Variants in FRYL observed in about 807,000 individuals in gnomAD.
FRYL encodes the protein protein furry homolog-like.
Under a neutral mutation model 351.2 loss-of-function variants are expected in FRYL, and 150 were observed. That is an observed-to-expected ratio of 0.43 (90% confidence interval 0.37 to 0.49). The LOEUF (loss-of-function observed/expected upper bound fraction) is 0.49. Among genes scored for constraint, FRYL ranks in the 20% least tolerant of loss-of-function variants. The probability of loss-of-function intolerance (pLI) is 0.00; values close to 1 mark genes in which losing one functional copy is unlikely to be tolerated. For synonymous variants in FRYL, 1,153 were observed against 1,257.1 expected (o/e 0.92, Z 1.75); for missense variants, 3,036 against 3,619.3 (o/e 0.84, Z 4.13).
chr4:48,540,156 A>G (rs1296796538), intron 46 of FRYL, 88 bp from the exon 47 acceptor site: 43 of 1,208,686 alleles, frequency 3.6e-5, no homozygotes, highest in Non-Finnish European at 4.9e-5. Context: ...GGTTCACAGA[A>G]ACCATTTTCT....
At chr4:48,731,807 A>G (rs1333044856) in intron 1 of FRYL, among the ~76,000 whole-genome samples, 1 of 152,210 alleles carries the variant, frequency 6.6e-6, no homozygotes, top group Non-Finnish European at 1.5e-5. Context: ...AGACTTAAAC[A>G]TAAGACCTAG....
chr4:48,772,615 C>T (rs1775626373), intron 1 of FRYL, among the ~76,000 whole-genome samples: 1 of 138,318 alleles, frequency 7.2e-6, no homozygotes, highest in Admixed American at 8.2e-5. Flanking sequence ...ATCTTTCCAG[C>T]ATTCTTTACT....
At chr4:48,544,348 G>A (rs1730880686) in intron 43 of FRYL, among the ~76,000 whole-genome samples, 1 of 152,028 alleles carries the variant, frequency 6.6e-6, no homozygotes, top group Admixed American at 6.6e-5. Context: ...AACCCATAAC[G>A]GTGACACTGT....
intron 13 of FRYL, chr4:48,598,870 G>A: frequency 2.0e-6 from 2 of 984,014 alleles, no homozygotes; most frequent in Non-Finnish European, 2.4e-6. Flanking sequence ...TTGTTAGATG[G>A]CATCTAAATA....
chr4:48,720,453 C>T (rs866757069), intron 1 of FRYL, among the ~76,000 whole-genome samples: 11 of 151,890 alleles, frequency 7.2e-5, no homozygotes, highest in African/African-American at 2.2e-4. Context: ...GCTGAGATCA[C>T]GCCACTTCAC....
intron 47 of FRYL, among the ~76,000 whole-genome samples, chr4:48,537,779 T>C (rs574498781): frequency 6.6e-6 from 1 of 152,314 alleles, no homozygotes; most frequent in African/African-American, 2.4e-5. Context: ...TTCAAGGAGC[T>C]GTAACATCCT....
chr4:48,773,902 G>A (rs1775760441), intron 1 of FRYL, among the ~76,000 whole-genome samples: 1 of 152,172 alleles, frequency 6.6e-6, no homozygotes, highest in Non-Finnish European at 1.5e-5. Context: ...TCCAGCCTGG[G>A]AAACAGAGTG....
chr4:48,756,339 C>G (rs532841645), intron 1 of FRYL, among the ~76,000 whole-genome samples: 2 of 152,134 alleles, frequency 1.3e-5, no homozygotes, highest in South Asian at 2.1e-4. Context: ...TTCTGTAATT[C>G]CTTTAAGAGC....
At position 48,708,194 on chromosome 4, in the gene FRYL, G is replaced by C. The variant is rs142492506; in HGVS notation, c.-204+2325C>G. Among the ~76,000 whole-genome samples the C allele has an allele frequency of 1.0e-3, 158 of 151,692 alleles. 1 individual carries two copies. The highest frequency in any genetic ancestry group is 3.7e-3 in the African/African-American group (153 of 41,454). ...CTCAGGAGGCTGAGGCAGGAGAATCGCTTGAACCCAGGAGGCGGAGGTTGC... is the reference window on the plus strand; with the variant it reads ...CTCAGGAGGCTGAGGCAGGAGAATCCCTTGAACCCAGGAGGCGGAGGTTGC... On this transcript the variant is annotated intron_variant, in intron 2 of 63. Transcript: ENST00000358350.
intron 1 of FRYL, among the ~76,000 whole-genome samples, chr4:48,760,833 T>A (rs1283862791): frequency 6.6e-6 from 1 of 152,070 alleles, no homozygotes; most frequent in African/African-American, 2.4e-5. Flanking sequence ...TGCACAACCA[T>A]GGCAGGCTAA....
chr4:48,722,008 G>A (rs1769525936), intron 1 of FRYL, among the ~76,000 whole-genome samples: 1 of 152,134 alleles, frequency 6.6e-6, no homozygotes, highest in Admixed American at 6.5e-5. Context: ...ATTTAGATGG[G>A]TTTTTGTTCT....
chr4:48,554,465 A>G (rs780368282), intron 35 of FRYL, among the ~76,000 whole-genome samples: 6 of 151,874 alleles, frequency 4.0e-5, no homozygotes, highest in Non-Finnish European at 7.4e-5. Context: ...TCAGCCTCCG[A>G]GTAGGTGGGA....
intron 17 of FRYL, among the ~76,000 whole-genome samples, chr4:48,590,170 T>C (rs555850301): frequency 6.6e-6 from 1 of 152,260 alleles, no homozygotes; most frequent in Admixed American, 6.5e-5. Context: ...TGAAGACTCA[T>C]GACTATTATC....
At chr4:48,581,319 T>C in intron 21 of FRYL, 101 bp downstream of exon 21, 2 of 1,013,904 alleles carry the variant, frequency 2.0e-6, no homozygotes, top group Non-Finnish European at 2.9e-6. Context: ...TAGGTTAGTT[T>C]AGACCCATGG....
rs112820753 is a variant in FRYL at position 48,670,179 on chromosome 4, A to C, written c.-81+14494T>G. On this transcript the variant is annotated intron_variant, in intron 3 of 63. Coordinates refer to ENST00000358350, the MANE Select transcript of FRYL (RefSeq NM_015030.2). ...GCTGGTGCAGTGGCTCATGCCTGTAATCCCAGCACTTTGGAAGGCTGAGGT... is the reference window on the plus strand; with the variant it reads ...GCTGGTGCAGTGGCTCATGCCTGTACTCCCAGCACTTTGGAAGGCTGAGGT... Among the ~76,000 whole-genome samples, 697 of 152,190 alleles carry C rather than the reference A, an allele frequency of 4.6e-3. 5 individuals carry two copies. Among genetic ancestry groups the C allele is most frequent in the African/African-American group, 0.016 (647 of 41,524 alleles).
chr4:48,510,812 TA>T (rs1722315724), intron 58 of FRYL, 22 bp downstream of exon 58: 17 of 1,586,488 alleles, frequency 1.1e-5, no homozygotes, highest in Non-Finnish European at 1.5e-5. Context: ...GTCTTTATAA[TA>T]AACCTGCATG....
intron 39 of FRYL, 101 bp from the exon 40 acceptor site, chr4:48,548,894 G>A: frequency 8.0e-6 from 5 of 626,038 alleles, no homozygotes; most frequent in Non-Finnish European, 8.3e-6. Flanking sequence ...CACATTTCAT[G>A]GAAAAATACA....
chr4:48,521,337 ATCTT>A, intron 54 of FRYL, 122 bp from the exon 55 acceptor site: 1 of 708,994 alleles, frequency 1.4e-6, no homozygotes, highest in South Asian at 2.3e-5. Flanking sequence ...TCCTAAAATC[ATCTT>A]TCTTTCCTTC....
rs71191252 is a variant in FRYL, at chr4:48,671,873, C to CA, written c.-81+12799dup. On this transcript the variant is annotated intron_variant, in intron 3 of 63. Transcript: ENST00000358350. ...GTCTCAAAAACAAAAAAAAAAAAAA[C>CA]AAAAAAAAAAAAAAAAAAGAAGGAA... Among the ~76,000 whole-genome samples, 94 of 51,860 alleles carry CA rather than the reference C, an allele frequency of 1.8e-3. 1 individual carries two copies. The East Asian group carries it at 0.035, about 20-fold the overall frequency. The allele number at this position is 51,860 out of a possible 152,430, so 34.0% of individuals were successfully genotyped here.
Sources: gnomAD v4.1 joint callset for allele counts (sites outside exome capture counted in the v4.1 genomes callset) on GRCh38, gnomAD v4.1.1 for gene constraint, MANE v1.5 for transcripts, NCBI Gene and HGNC (gene_info 2026-07-23, HGNC 2026-07-21) for gene names.